GALNT13: variants seen among roughly 807,000 people sequenced by gnomAD.
GALNT13 encodes the protein UDP-GalNAc:polypeptide N-acetylgalactosaminyltransferase 13.
Under a neutral mutation model 64.2 loss-of-function variants are expected in GALNT13, and 28 were observed. That is an observed-to-expected ratio of 0.44 (90% CI 0.32 to 0.60). The LOEUF is 0.60. GALNT13 is among the 20% of genes least tolerant of loss of function. GALNT13 has a pLI of 0.05. For synonymous variants in GALNT13, 214 were observed against 224.6 expected, an observed-to-expected ratio of 0.95 and a Z score of 0.42; for missense variants, 577 against 669.8, an observed-to-expected ratio of 0.86 and a Z score of 1.53.
intron 3 of GALNT13, among the ~76,000 whole-genome samples, chr2:154,018,879 G>T (rs1426858970): frequency 6.6e-6 from 1 of 151,474 alleles, no homozygotes; most frequent in African/African-American, 2.4e-5. Flanking sequence ...GAGGGGAGAG[G>T]AAAGAGAGGA....
the GALNT13 span, chr2:153,478,453 T>C: frequency 6.2e-7 from 1 of 1,613,814 alleles, no homozygotes; most frequent in Non-Finnish European, 8.5e-7. Context: ...GAAGCCGTCG[T>C]CGGTCACCAC....
intron 4 of GALNT13, among the ~76,000 whole-genome samples, chr2:154,212,720 C>T (rs1054297788): frequency 6.6e-6 from 1 of 151,900 alleles, no homozygotes; most frequent in Non-Finnish European, 1.5e-5. Flanking sequence ...TCCCCCCATC[C>T]TTCTTCTCCT....
At chr2:153,095,230 A>T in the GALNT13 span, among the ~76,000 whole-genome samples, 5 of 152,220 alleles carry the variant, frequency 3.3e-5, no homozygotes, top group South Asian at 1.0e-3. Flanking sequence ...TGGGCAAAGG[A>T]TATGAACAGA....
At chr2:154,132,804 A>T (rs1006165887) in intron 3 of GALNT13, among the ~76,000 whole-genome samples, 2 of 151,938 alleles carry the variant, frequency 1.3e-5, no homozygotes, top group African/African-American at 2.4e-5. Context: ...CTAAGGCAGA[A>T]GAATTGCTTG....
At chr2:153,134,306 C>T in the GALNT13 span, among the ~76,000 whole-genome samples, 2 of 152,050 alleles carry the variant, frequency 1.3e-5, no homozygotes, top group African/African-American at 4.8e-5. Flanking sequence ...AAAACCATTT[C>T]GCTTTGGAAA....
chr2:154,233,319 T>C (rs1457783913), intron 4 of GALNT13, among the ~76,000 whole-genome samples: 1 of 152,052 alleles, frequency 6.6e-6, no homozygotes, highest in Non-Finnish European at 1.5e-5. Flanking sequence ...ACATAATAGT[T>C]TGGGATGGGT....
the GALNT13 span, among the ~76,000 whole-genome samples, chr2:153,310,237 T>C: frequency 6.6e-6 from 1 of 152,238 alleles, no homozygotes; most frequent in Non-Finnish European, 1.5e-5. Context: ...TGTTACATAA[T>C]CTTTGCTTAT....
At chr2:154,193,587 T>C (rs1339363653) in intron 4 of GALNT13, among the ~76,000 whole-genome samples, 2 of 152,232 alleles carry the variant, frequency 1.3e-5, no homozygotes, top group East Asian at 3.8e-4. Context: ...AGCCTTGTCC[T>C]GACAGAGGCT....
chr2:154,369,917 C>A (rs13018424), intron 9 of GALNT13, among the ~76,000 whole-genome samples: 10,019 of 152,152 alleles, frequency 0.066, 333 homozygotes, highest in Middle Eastern at 0.11. Context: ...TAAATTTCTG[C>A]CCAGTCTCTT....
the GALNT13 span, among the ~76,000 whole-genome samples, chr2:153,426,453 CT>C: frequency 6.6e-6 from 1 of 151,890 alleles, no homozygotes; most frequent in African/African-American, 2.4e-5. Flanking sequence ...GGTCCAGAAG[CT>C]TAATGTGTAG....
chr2:153,415,897 A>G, the GALNT13 span, among the ~76,000 whole-genome samples: 2 of 152,210 alleles, frequency 1.3e-5, no homozygotes, highest in Non-Finnish European at 2.9e-5. Context: ...AATTAAGTAA[A>G]TGTTGTTTAC....
chr2:154,295,045 C>A (rs992135460), intron 8 of GALNT13, among the ~76,000 whole-genome samples: 1 of 152,106 alleles, frequency 6.6e-6, no homozygotes, highest in Admixed American at 6.6e-5. Flanking sequence ...AACCCACAAC[C>A]TATGGGAGGA....
the GALNT13 span, among the ~76,000 whole-genome samples, chr2:153,091,893 G>A: frequency 6.6e-6 from 1 of 152,042 alleles, no homozygotes; most frequent in African/African-American, 2.4e-5. Flanking sequence ...GCACTTGTGG[G>A]GTATTGCTCA....
chr2:153,144,389 T>G, the GALNT13 span, among the ~76,000 whole-genome samples: 1 of 151,964 alleles, frequency 6.6e-6, no homozygotes, highest in Non-Finnish European at 1.5e-5. Context: ...AAGATGCTTT[T>G]TGAATATTCT....
At chr2:154,193,428 G>A (rs1048546949) in intron 4 of GALNT13, among the ~76,000 whole-genome samples, 3 of 152,182 alleles carry the variant, frequency 2.0e-5, no homozygotes, top group Non-Finnish European at 2.9e-5. Flanking sequence ...GCAGTAGATG[G>A]CCTCCCTCAG....
the GALNT13 span, among the ~76,000 whole-genome samples, chr2:153,633,595 A>G: frequency 1.3e-5 from 2 of 152,314 alleles, no homozygotes; most frequent in East Asian, 1.9e-4. Flanking sequence ...CATAGGAGAC[A>G]TTTATCACCT....
the GALNT13 span, among the ~76,000 whole-genome samples, chr2:153,830,178 G>C: frequency 7.0e-6 from 1 of 142,504 alleles, no homozygotes; most frequent in Admixed American, 6.9e-5. Flanking sequence ...AAGTTTCCAA[G>C]TTTGTCAGAT....
downstream of GALNT13, among the ~76,000 whole-genome samples, chr2:154,456,112 G>A (rs1292606992): frequency 1.3e-5 from 2 of 151,188 alleles, no homozygotes; most frequent in Non-Finnish European, 1.5e-5. Context: ...TAGCACAAGG[G>A]GGAAAAAAGA....
intron 4 of GALNT13, among the ~76,000 whole-genome samples, chr2:154,192,538 G>A (rs1330475278): frequency 5.3e-5 from 8 of 152,132 alleles, no homozygotes; most frequent in African/African-American, 1.7e-4. Context: ...ATATTTAACA[G>A]CATTATGAAA....
Sources: allele counts gnomAD v4.1 joint callset (sites outside exome capture counted in the v4.1 genomes callset), GRCh38; gene constraint gnomAD v4.1.1; transcripts MANE v1.5; gene names NCBI Gene and HGNC (gene_info 2026-07-23, HGNC 2026-07-21).